The following PGF variants were observed in gnomAD, a reference collection of about 807,000 sequenced individuals.
PGF encodes placenta growth factor.
PGF carries 11 observed loss-of-function variants against 25.3 expected under a neutral mutation model. The observed-to-expected ratio is 0.43, with a 90% CI of 0.27 to 0.72. The LOEUF (loss-of-function observed/expected upper bound fraction) is 0.72, where lower values mean the gene tolerates loss of function less well. Ranked by LOEUF, PGF falls within the 30% of genes least tolerant of loss-of-function variation. The pLI is 0.18. For missense variants in PGF, 230 were observed against 234.9 expected, an observed-to-expected ratio of 0.98 and a Z score of 0.14; for synonymous variants, 105 against 97.9, an observed-to-expected ratio of 1.07 and a Z score of -0.43.
At position 74,955,123 on chromosome 14, in the gene PGF, G is replaced by C. The variant is rs1316839973; in HGVS notation, c.75+45C>G. The C allele has an allele frequency of 8.8e-7, 1 of 1,139,966 alleles. No homozygotes were observed. The highest frequency in any genetic ancestry group is 2.1e-4 in the Middle Eastern group (1 of 4,838). 70.6% of individuals were successfully genotyped at this position (1,139,966 alleles called of 1,614,324 possible). ...CAGAGTCCCATGCTTCCAGTGCTGG[G>C]ATGGGGAGGTCTGGGGAGCCAGGCT... is the stretch of plus-strand genomic sequence containing the variant. On this transcript the variant is annotated intron_variant, in intron 1 of 6. Transcript: ENST00000555567. This position sits in a 1 kb window ranked among gnomAD's most constrained non-coding sequence, Gnocchi z 4.1.
At chr14:74,944,164 G>A (rs552047145) in intron 6 of PGF, among the ~76,000 whole-genome samples, 84 of 147,736 alleles carry the variant, frequency 5.7e-4, no homozygotes, top group South Asian at 2.4e-3. Context: ...GTGCAGTGGC[G>A]TGATCTCGGC....
chr14:74,953,559 C>A lies in PGF; in HGVS notation c.118+345G>T, dbSNP rs1056762280. On this transcript the variant is annotated intron_variant, in intron 2 of 6. Transcript: ENST00000555567. The surrounding 1 kb of genome is among the most constrained non-coding windows in gnomAD (Gnocchi z 5.4). The stretch of plus-strand genomic sequence containing the variant: ...CCCACTGCATTCAGCTCCCAGACCC[C>A]CATTCTGGCCCCTGGCACTCACTCC... Among the ~76,000 whole-genome samples the A allele has an allele frequency of 2.6e-5, 4 of 152,116 alleles. No individual in the cohort carries two copies. Among genetic ancestry groups the A allele is most frequent in the Non-Finnish European group, 5.9e-5 (4 of 68,014 alleles).
chr14:74,949,041 G>A (rs186609199), intron 3 of PGF, among the ~76,000 whole-genome samples: 1 of 152,196 alleles, frequency 6.6e-6, no homozygotes. Flanking sequence ...CATGTAAGCT[G>A]CACTTGCTTG....
At position 74,953,773 on chromosome 14, in the gene PGF, C is replaced by G; in HGVS notation, c.118+131G>C. ...CTTAGGCCCTGCCAAAGTCATCACC[C>G]AGCATGTCTAGCTTGTAGGCTCTCC... On this transcript the variant is annotated intron_variant, in intron 2 of 6. Coordinates refer to ENST00000555567, the MANE Select transcript of PGF (RefSeq NM_002632.6). This position sits in a 1 kb window ranked among gnomAD's most constrained non-coding sequence, Gnocchi z 5.4. 1 of 915,054 alleles carries G rather than the reference C, an allele frequency of 1.1e-6. No individual in the cohort carries two copies. The highest frequency in any genetic ancestry group is 1.4e-5 in the South Asian group (1 of 72,678). 56.7% of individuals were successfully genotyped at this position (915,054 alleles called of 1,614,324 possible).
chr14:74,949,636 G>T, intron 2 of PGF, 83 bp from the exon 3 acceptor site: 1 of 1,140,208 alleles, frequency 8.8e-7, no homozygotes, highest in Non-Finnish European at 1.2e-6. Flanking sequence ...GGCCCTGCTG[G>T]CCTTCCAGGT....
chr14:74,945,919 T>C, intron 6 of PGF: 1 of 468,768 alleles, frequency 2.1e-6, no homozygotes, highest in Non-Finnish European at 3.9e-6. Flanking sequence ...GTTTGTAGAG[T>C]GACTGAATGT....
rs1010385543 is a variant in PGF at position 74,946,128 on chromosome 14, C to T, written c.485+85G>A. On this transcript the variant is annotated intron_variant, in intron 6 of 6. Transcript: ENST00000555567. ...AAGACTGGCCTCAGTCCTGCCTCTCCCCCTCCCCAACCTAACCCTGGCGGC... is the reference window on the plus strand; with the variant it reads ...AAGACTGGCCTCAGTCCTGCCTCTCTCCCTCCCCAACCTAACCCTGGCGGC... 5.5e-6 allele frequency: 7 copies of T among 1,273,770 alleles called. No homozygotes were observed. In the African/African-American group the frequency reaches 8.8e-5, roughly 16 times the overall value. The allele number at this position is 1,273,770 out of a possible 1,614,324, so 78.9% of individuals were successfully genotyped here.
intron 6 of PGF, among the ~76,000 whole-genome samples, chr14:74,943,605 A>C (rs541388086): frequency 6.6e-6 from 1 of 152,250 alleles, no homozygotes; most frequent in African/African-American, 2.4e-5. Flanking sequence ...CAACCTTCTC[A>C]TCAATAAAAA....
At chr14:74,954,922 A>G (rs1263497185) in intron 1 of PGF, among the ~76,000 whole-genome samples, 1 of 151,710 alleles carries the variant, frequency 6.6e-6, no homozygotes, top group Non-Finnish European at 1.5e-5. Context: ...GCCAGACAGG[A>G]AACCTCCCTC....
chr14:74,949,257 A>G, intron 3 of PGF, 100 bp downstream of exon 3: 1 of 986,104 alleles, frequency 1.0e-6, no homozygotes, highest in Non-Finnish European at 1.5e-6. Flanking sequence ...CTGGCCTGGG[A>G]GTCAGGCTCC....
At chr14:74,944,255 A>G in intron 6 of PGF, among the ~76,000 whole-genome samples, 1 of 151,728 alleles carries the variant, frequency 6.6e-6, no homozygotes, top group African/African-American at 2.4e-5. Flanking sequence ...GGCACCCACC[A>G]CCACACCCGG....
chr14:74,948,819 G>C (rs923318592), intron 3 of PGF, among the ~76,000 whole-genome samples: 1 of 152,192 alleles, frequency 6.6e-6, no homozygotes, highest in Non-Finnish European at 1.5e-5. Context: ...CAGGAAGGGG[G>C]CTCATGTTCT....
At chr14:74,947,170 GGC>G (rs1888758735) in intron 4 of PGF, 2 of 406,586 alleles carry the variant, frequency 4.9e-6, no homozygotes, top group African/African-American at 4.0e-5. Context: ...CTCCATATTG[GGC>G]AAGTGACAGA....
At chr14:74,954,736 G>A (rs932239405) in intron 1 of PGF, among the ~76,000 whole-genome samples, 4 of 152,008 alleles carry the variant, frequency 2.6e-5, no homozygotes. Flanking sequence ...TGGGGGCAGG[G>A]CCAGCCTCCC....
rs1017399705 is a variant in PGF at position 74,950,759 on chromosome 14, C to T, written c.119-1206G>A. ...TAAGGTCTTTCCCTCTCTGACCAAC[C>T]GCCTGTGAATCAGTGCCTGCAACCC... On this transcript the variant is annotated intron_variant, in intron 2 of 6. Transcript: ENST00000555567. This position sits in a 1 kb window ranked among gnomAD's most constrained non-coding sequence, Gnocchi z 4.1. Among the ~76,000 whole-genome samples the T allele has an allele frequency of 6.6e-5, 10 of 152,310 alleles. No homozygotes were observed. The highest frequency in any genetic ancestry group is 2.1e-4 in the South Asian group (1 of 4,826).
In PGF at chr14:74,942,659, A is replaced by G; in HGVS notation, c.*47T>C. 2 of 1,591,352 alleles carry G rather than the reference A, an allele frequency of 1.3e-6. No homozygotes were observed. Among genetic ancestry groups the G allele is most frequent in the Non-Finnish European group, 1.7e-6 (2 of 1,162,852 alleles). On this transcript the variant is annotated 3_prime_UTR_variant, in exon 7 of 7. Coordinates refer to ENST00000555567, the MANE Select transcript of PGF (RefSeq NM_002632.6). ...GGAGTCACTGAAGAGTGTGACGGTAATAAATACACGAGCCGGGTGCGGGGT... is the reference window on the plus strand; with the variant it reads ...GGAGTCACTGAAGAGTGTGACGGTAGTAAATACACGAGCCGGGTGCGGGGT...
At position 74,953,822 on chromosome 14, in the gene PGF, A is replaced by G; in HGVS notation, c.118+82T>C. On this transcript the variant is annotated intron_variant, in intron 2 of 6. Transcript: ENST00000555567. The surrounding 1 kb of genome is among the most constrained non-coding windows in gnomAD (Gnocchi z 5.4). ...CCCCAGCTTTTATCAACCTGCACCC[A>G]CGCTTCATGCCACACCTGGGCTTGG... 2 of 1,406,570 alleles carry G rather than the reference A, an allele frequency of 1.4e-6. No homozygotes were observed. Among genetic ancestry groups the G allele is most frequent in the Non-Finnish European group, 2.0e-6 (2 of 990,752 alleles). The allele number at this position is 1,406,570 out of a possible 1,614,324, so 87.1% of individuals were successfully genotyped here. A position where few individuals can be genotyped will look rare whatever the true frequency, so the allele number is the denominator to read the frequency against.
At chr14:74,949,671 C>G (rs111687067) in intron 2 of PGF, 118 bp from the exon 3 acceptor site, 124 of 716,854 alleles carry the variant, frequency 1.7e-4, no homozygotes, top group Non-Finnish European at 2.5e-4. Context: ...CATCCGAGCT[C>G]CCTCAACTCT....
intron 6 of PGF, chr14:74,945,869 C>T: frequency 3.4e-6 from 1 of 295,294 alleles, no homozygotes; most frequent in Non-Finnish European, 6.5e-6. Flanking sequence ...TGTTTGTTTG[C>T]TCACAGATGT....
Sources: gnomAD v4.1 joint callset for allele counts (sites outside exome capture counted in the v4.1 genomes callset) on GRCh38, gnomAD v4.1.1 for gene constraint, Gnocchi (gnomAD v3.1) non-coding constraint, MANE v1.5 for transcripts, NCBI Gene and HGNC (gene_info 2026-07-23, HGNC 2026-07-21) for gene names.